Variants in UGT1A6 observed in about 807,000 individuals in gnomAD.
UGT1A6 encodes UDP-glucuronosyltransferase 1A6.
Under a neutral mutation model 44.4 loss-of-function variants are expected in UGT1A6, and 32 were observed. The observed-to-expected ratio is 0.72, with a 90% CI of 0.54 to 0.97. UGT1A6 has a LOEUF of 0.97. Ranked by LOEUF, UGT1A6 falls within the 50% of genes least tolerant of loss-of-function variation. The probability of loss-of-function intolerance (pLI) is 0.00; values close to 1 mark genes in which losing one functional copy is unlikely to be tolerated. For synonymous variants in UGT1A6, 238 were observed against 248.5 expected (o/e 0.96, Z 0.40); for missense variants, 685 against 661.9 (o/e 1.03, Z -0.38).
chr2:233,697,384 C>T (rs2075388171), intron 1 of UGT1A6, among the ~76,000 whole-genome samples: 1 of 152,004 alleles, frequency 6.6e-6, no homozygotes, highest in Non-Finnish European at 1.5e-5. Context: ...ACAATAATCG[C>T]TAATGATCCT....
intron 1 of UGT1A6, among the ~76,000 whole-genome samples, chr2:233,721,052 T>G (rs1374543797): frequency 6.6e-6 from 1 of 151,950 alleles, no homozygotes; most frequent in Non-Finnish European, 1.5e-5. Context: ...CCCTTTTTTG[T>G]CATATTCACT....
intron 4 of UGT1A6, chr2:233,771,329 T>A (rs751904173): frequency 3.9e-5 from 6 of 152,320 alleles, no homozygotes; most frequent in Middle Eastern, 6.8e-3. Flanking sequence ...TTCAATCTCC[T>A]CTTCATTCCT....
At chr2:233,719,476 C>T (rs1220273239) in intron 1 of UGT1A6, 3 of 1,613,886 alleles carry the variant, frequency 1.9e-6, no homozygotes, top group African/African-American at 2.7e-5. Flanking sequence ...TACCCTCTGG[C>T]CCTGTCCTAC....
intron 1 of UGT1A6, among the ~76,000 whole-genome samples, chr2:233,738,047 C>A (rs1690670574): frequency 6.6e-6 from 1 of 152,068 alleles, no homozygotes; most frequent in Admixed American, 6.6e-5. Flanking sequence ...GTGTTGAGGA[C>A]AGGACATGGT....
chr2:233,718,635 G>A, intron 1 of UGT1A6: 1 of 1,459,820 alleles, frequency 6.9e-7, no homozygotes, highest in Non-Finnish European at 9.2e-7. Flanking sequence ...TCTTTCCCAG[G>A]GTTGGGCCCA....
chr2:233,733,834 A>G (rs887366512), intron 1 of UGT1A6, among the ~76,000 whole-genome samples: 1 of 152,086 alleles, frequency 6.6e-6, no homozygotes, highest in Admixed American at 6.6e-5. Flanking sequence ...TGAGTTAGGG[A>G]GGATTCCCTC....
chr2:233,729,694 C>A (rs1447462481), intron 1 of UGT1A6: 7 of 1,613,908 alleles, frequency 4.3e-6, no homozygotes, highest in Non-Finnish European at 5.9e-6. Flanking sequence ...GTGTCCAAAC[C>A]CTTCCTCCTA....
rs200903749 is a variant in UGT1A6, at chr2:233,767,133, A to G, written c.961A>G (p.Ile321Val). ...SEIPEKKAMAIADALGKIPQT... is the reference protein window; with the variant it reads ...SEIPEKKAMAVADALGKIPQT... ...AATTCCAGAGAAGAAAGCTATGGCA[A>G]TTGCTGATGCTTTGGGCAAAATCCC... The change falls in exon 2 of 5, where the codon ATT (isoleucine) becomes GTT (valine). Residue 321 changes from isoleucine (I) to valine (V), a missense_variant. Physicochemically the swap from Ile to Val is conservative, Grantham distance 29 (BLOSUM62 3). Coordinates refer to ENST00000305139, the MANE Select transcript of UGT1A6 (RefSeq NM_001072.4). 1,419 of 1,614,112 alleles carry G rather than the reference A, an allele frequency of 8.8e-4. 26 individuals are homozygous for G. In the South Asian group the frequency reaches 0.015, roughly 17 times the overall value.
Position 233,693,560 on chromosome 2 carries a change from C to G in UGT1A6, c.556C>G (p.Pro186Ala). 1 of 1,614,184 alleles carries G rather than the reference C, an allele frequency of 6.2e-7. No homozygotes were observed. The change falls in exon 1 of 5, where the codon CCA (proline) becomes GCA (alanine). Residue 186 changes from proline to alanine, a missense_variant. Coordinates refer to ENST00000305139, the MANE Select transcript of UGT1A6 (RefSeq NM_001072.4). ...CSLEHTFSRS[P>A]DPVSYIPRCY... ...CCTGGAGCATACATTCAGCAGAAGC[C>G]CAGACCCTGTGTCCTACATTCCCAG...
At chr2:233,713,725 T>C in intron 1 of UGT1A6, 1 of 1,613,928 alleles carries the variant, frequency 6.2e-7, no homozygotes, top group Non-Finnish European at 8.5e-7. Context: ...GAGGTGTCAG[T>C]GGTGGATCTT....
At chr2:233,747,297 T>TG (rs1437353605) in intron 1 of UGT1A6, 13 of 1,601,102 alleles carry the variant, frequency 8.1e-6, no homozygotes, top group Non-Finnish European at 1.1e-5. Context: ...GGGCTGAGAG[T>TG]GGGAAGGTGC....
At chr2:233,768,033 A>C in intron 3 of UGT1A6, 97 bp downstream of exon 3, 1 of 1,612,338 alleles carries the variant, frequency 6.2e-7, no homozygotes, top group South Asian at 1.1e-5. Flanking sequence ...GCTTGAAAAT[A>C]TTATGGCCAA....
At chr2:233,733,467 T>C (rs1231122039) in intron 1 of UGT1A6, among the ~76,000 whole-genome samples, 1 of 152,200 alleles carries the variant, frequency 6.6e-6, no homozygotes, top group African/African-American at 2.4e-5. Context: ...GCTCTTATTA[T>C]TTTGAGATAC....
chr2:233,719,691 T>C (rs1369950674), intron 1 of UGT1A6: 1 of 1,614,102 alleles, frequency 6.2e-7, no homozygotes, highest in East Asian at 2.2e-5. Flanking sequence ...ATCTCAGGTC[T>C]GTATTGGTGC....
intron 1 of UGT1A6, among the ~76,000 whole-genome samples, chr2:233,722,626 G>T (rs1272001840): frequency 1.3e-5 from 2 of 152,128 alleles, no homozygotes; most frequent in African/African-American, 4.8e-5. Context: ...TCTTAATGAA[G>T]CATTGAGGGC....
intron 1 of UGT1A6, chr2:233,713,411 C>T: frequency 6.2e-7 from 1 of 1,614,112 alleles, no homozygotes; most frequent in South Asian, 1.1e-5. Context: ...TGATCAGGCA[C>T]CTGCATGCTA....
chr2:233,755,226 G>A lies in UGT1A6; in HGVS notation c.862-11808G>A, dbSNP rs529614771. The A allele has an allele frequency of 5.1e-6, 5 of 975,542 alleles. No homozygotes were observed. In the East Asian group the frequency reaches 1.5e-4, roughly 29 times the overall value. 60.4% of individuals were successfully genotyped at this position (975,542 alleles called of 1,614,324 possible). On this transcript the variant is annotated intron_variant, in intron 1 of 4. Transcript: ENST00000305139. ...GTACGCCTTCTTGATACCCTCGGAC[G>A]AGGCCTACCGGGGTACTCCCAGCAC...
At chr2:233,698,074 C>G (rs535848761) in intron 1 of UGT1A6, among the ~76,000 whole-genome samples, 6 of 152,298 alleles carry the variant, frequency 3.9e-5, no homozygotes, top group African/African-American at 1.2e-4. Context: ...AAACTGGGCT[C>G]TAATGAATGT....
chr2:233,702,946 A>C (rs1293262171), intron 1 of UGT1A6, among the ~76,000 whole-genome samples: 1 of 152,140 alleles, frequency 6.6e-6, no homozygotes, highest in African/African-American at 2.4e-5. Context: ...TGTGTTTGCT[A>C]TCTGAATATT....
Sources: allele counts gnomAD v4.1 joint callset (sites outside exome capture counted in the v4.1 genomes callset), GRCh38; gene constraint gnomAD v4.1.1; transcripts MANE v1.5; gene names NCBI Gene and HGNC (gene_info 2026-07-23, HGNC 2026-07-21).